AUTS2: variants seen among roughly 807,000 people sequenced by gnomAD.
The protein encoded by AUTS2 is autism susceptibility gene 2 protein.
AUTS2 carries 17 observed loss-of-function variants against 112.4 expected under a neutral mutation model. The observed-to-expected ratio is 0.15, with a 90% CI of 0.10 to 0.23. The LOEUF is 0.23. Ranked by LOEUF, AUTS2 falls within the 10% of genes least tolerant of loss-of-function variation. The pLI is 1.00. For missense variants in AUTS2, 1,510 were observed against 1,701.6 expected (o/e 0.89, Z 1.98); for synonymous variants, 751 against 702.7 (o/e 1.07, Z -1.09).
At chr7:70,746,477 A>G (rs1333010029) in intron 6 of AUTS2, among the ~76,000 whole-genome samples, 1 of 152,196 alleles carries the variant, frequency 6.6e-6, no homozygotes, top group African/African-American at 2.4e-5. Context: ...TTCAAATATG[A>G]ACATATTTAA....
chr7:70,264,442 G>A (rs759650008), intron 4 of AUTS2, among the ~76,000 whole-genome samples: 3 of 152,110 alleles, frequency 2.0e-5, no homozygotes, highest in South Asian at 4.1e-4. Flanking sequence ...TCTTGACCTC[G>A]TGATCTGCCT....
At chr7:69,647,342 A>G (rs1795070226) in intron 1 of AUTS2, among the ~76,000 whole-genome samples, 1 of 151,576 alleles carries the variant, frequency 6.6e-6, no homozygotes, top group Admixed American at 6.6e-5. Context: ...TCAAATGGTC[A>G]GACACTTTCA....
intron 1 of AUTS2, among the ~76,000 whole-genome samples, chr7:69,719,152 C>A (rs1338604199): frequency 6.6e-6 from 1 of 152,072 alleles, no homozygotes; most frequent in African/African-American, 2.4e-5. Context: ...GAAAATATTT[C>A]TCTTTGTGGG....
At position 69,680,845 on chromosome 7, in the gene AUTS2, T is replaced by C. The variant is rs138813022; in HGVS notation, c.309+80883T>C. Among the ~76,000 whole-genome samples, 95 of 152,212 alleles carry C rather than the reference T, an allele frequency of 6.2e-4. 1 individual carries two copies. Among genetic ancestry groups the C allele is most frequent in the Admixed American group, 1.7e-3 (26 of 15,294 alleles). On this transcript the variant is annotated intron_variant, in intron 1 of 18. Transcript: ENST00000342771. The stretch of plus-strand genomic sequence containing the variant: ...CCACCATACCCAGCTAATTTTTGTA[T>C]TTTTAGTAGAGACAGGGTTTCACCA...
intron 5 of AUTS2, among the ~76,000 whole-genome samples, chr7:70,530,900 T>C (rs1001642894): frequency 9.2e-5 from 14 of 152,144 alleles, no homozygotes; most frequent in African/African-American, 3.4e-4. Context: ...GTTCTTATTA[T>C]CGTTGGGAAG....
chr7:70,743,686 A>G (rs2129554402), intron 6 of AUTS2, among the ~76,000 whole-genome samples: 1 of 152,224 alleles, frequency 6.6e-6, no homozygotes, highest in Non-Finnish European at 1.5e-5. Flanking sequence ...TGCCTTCTGG[A>G]GGATTAAGAT....
intron 5 of AUTS2, among the ~76,000 whole-genome samples, chr7:70,612,896 A>G (rs1021305293): frequency 3.3e-5 from 5 of 152,036 alleles, no homozygotes; most frequent in East Asian, 1.9e-4. Context: ...TTAATGGTGT[A>G]GAAAATGAGG....
intron 4 of AUTS2, among the ~76,000 whole-genome samples, chr7:70,355,554 C>G (rs933786951): frequency 6.6e-6 from 1 of 152,120 alleles, no homozygotes; most frequent in East Asian, 1.9e-4. Flanking sequence ...CCACCTCCCT[C>G]TCTCTCCTGG....
chr7:70,074,294 C>T (rs540123827), intron 2 of AUTS2, among the ~76,000 whole-genome samples: 3 of 152,234 alleles, frequency 2.0e-5, no homozygotes, highest in South Asian at 2.1e-4. Context: ...AGAAACTTTT[C>T]GATATCTGTA....
At chr7:69,903,278 A>G (rs1415640298) in intron 2 of AUTS2, among the ~76,000 whole-genome samples, 2 of 152,228 alleles carry the variant, frequency 1.3e-5, no homozygotes, top group Admixed American at 6.5e-5. Flanking sequence ...AAGCCAAATT[A>G]TAACTTCCTG....
intron 2 of AUTS2, among the ~76,000 whole-genome samples, chr7:70,058,341 G>A (rs916949960): frequency 5.3e-5 from 8 of 152,054 alleles, no homozygotes; most frequent in Admixed American, 1.3e-4. Flanking sequence ...TCCTTTTATC[G>A]GTTGAGTAGC....
intron 1 of AUTS2, among the ~76,000 whole-genome samples, chr7:69,727,803 G>T (rs973330594): frequency 6.6e-6 from 1 of 151,990 alleles, no homozygotes; most frequent in South Asian, 2.1e-4. Flanking sequence ...TTTTACTATT[G>T]TAGGCCCTTT....
At chr7:70,390,907 A>G (rs909279880) in intron 4 of AUTS2, among the ~76,000 whole-genome samples, 2 of 152,178 alleles carry the variant, frequency 1.3e-5, no homozygotes, top group Non-Finnish European at 2.9e-5. Flanking sequence ...TCCTACTTCA[A>G]GGAGCCTGGG....
In AUTS2 at chr7:70,098,533, T is replaced by TG. The variant is rs532106043; in HGVS notation, c.523-19595dup. On this transcript the variant is annotated intron_variant, in intron 2 of 18. Coordinates refer to ENST00000342771, the MANE Select transcript of AUTS2 (RefSeq NM_015570.4). ...ATGCAGCTGTTGCCATGGCTAGCTG[T>TG]GGGGTACCGGTGGTTGACAGCCTGG... 2.4e-3 allele frequency among the ~76,000 whole-genome samples: 371 copies of TG among 151,996 alleles called. 3 individuals carry two copies. Among genetic ancestry groups the TG allele is most frequent in the African/African-American group, 8.5e-3 (351 of 41,452 alleles).
At chr7:70,491,484 TTA>T (rs147194298) in intron 5 of AUTS2, among the ~76,000 whole-genome samples, 2 of 146,034 alleles carry the variant, frequency 1.4e-5, no homozygotes, top group African/African-American at 2.5e-5. Context: ...AATATATATG[TTA>T]TATATACACA....
At chr7:69,606,140 G>T (rs992326229) in intron 1 of AUTS2, among the ~76,000 whole-genome samples, 4 of 152,136 alleles carry the variant, frequency 2.6e-5, no homozygotes, top group African/African-American at 7.2e-5. Flanking sequence ...GTAGTGTTCT[G>T]TAGTTCTCAC....
intron 5 of AUTS2, among the ~76,000 whole-genome samples, chr7:70,575,374 C>T (rs1032058611): frequency 6.6e-6 from 1 of 152,176 alleles, no homozygotes; most frequent in Non-Finnish European, 1.5e-5. Flanking sequence ...AGGGTAGGAA[C>T]TAAAAGTGCC....
intron 5 of AUTS2, among the ~76,000 whole-genome samples, chr7:70,664,353 G>A (rs1807223040): frequency 6.6e-6 from 1 of 152,122 alleles, no homozygotes; most frequent in Non-Finnish European, 1.5e-5. Context: ...GGCAGCTGTT[G>A]GACTCTGTGG....
At chr7:70,717,730 G>C (rs1053747141) in intron 6 of AUTS2, among the ~76,000 whole-genome samples, 1 of 152,220 alleles carries the variant, frequency 6.6e-6, no homozygotes, top group Non-Finnish European at 1.5e-5. Flanking sequence ...GTCCGTTGCT[G>C]ATCTTTGGCT....
Sources: allele counts gnomAD v4.1 joint callset (sites outside exome capture counted in the v4.1 genomes callset), GRCh38; gene constraint gnomAD v4.1.1; transcripts MANE v1.5; gene names NCBI Gene and HGNC (gene_info 2026-07-23, HGNC 2026-07-21).